BICC1: variants seen among roughly 807,000 people sequenced by gnomAD.
The protein encoded by BICC1 is protein bicaudal C homolog 1.
Under a neutral mutation model 111.0 loss-of-function variants are expected in BICC1, and 43 were observed. That is an observed-to-expected ratio of 0.39 (90% CI 0.30 to 0.50). BICC1 has a LOEUF of 0.50. Among genes scored for constraint, BICC1 ranks in the 20% least tolerant of loss-of-function variants. The pLI, the probability that BICC1 is intolerant of heterozygous loss-of-function variation, is 0.88. For synonymous variants in BICC1, 467 were observed against 434.4 expected, an observed-to-expected ratio of 1.07 and a Z score of -0.93; for missense variants, 1,091 against 1,203.2, an observed-to-expected ratio of 0.91 and a Z score of 1.38.
At chr10:58,568,777 CA>C (rs2088828430) in intron 1 of BICC1, among the ~76,000 whole-genome samples, 1 of 152,152 alleles carries the variant, frequency 6.6e-6, no homozygotes, top group Non-Finnish European at 1.5e-5. Context: ...TCCCTCAACT[CA>C]GTGGGTTATT....
intron 1 of BICC1, among the ~76,000 whole-genome samples, chr10:58,525,991 C>CT (rs34275789): frequency 0.46 from 69,541 of 151,412 alleles, 17,012 homozygotes; most frequent in Admixed American, 0.62. Flanking sequence ...GATTACATGG[C>CT]TTTTTTTTCT....
intron 3 of BICC1, among the ~76,000 whole-genome samples, chr10:58,752,613 A>G (rs552484908): frequency 6.6e-6 from 1 of 152,192 alleles, no homozygotes; most frequent in East Asian, 1.9e-4. Context: ...TTCTGATCCC[A>G]TCTCCTTAGT....
chr10:58,725,141 T>C (rs1736772957), intron 3 of BICC1, among the ~76,000 whole-genome samples: 1 of 152,238 alleles, frequency 6.6e-6, no homozygotes, highest in Non-Finnish European at 1.5e-5. Context: ...TCTGTGCATG[T>C]TATTATGTAT....
chr10:58,698,801 G>C (rs970390156), intron 2 of BICC1, among the ~76,000 whole-genome samples: 15 of 152,148 alleles, frequency 9.9e-5, no homozygotes, highest in African/African-American at 3.4e-4. Flanking sequence ...AAATAGATAC[G>C]ATAAAGGATT....
At chr10:58,619,514 C>T (rs1370610343) in intron 1 of BICC1, among the ~76,000 whole-genome samples, 1 of 143,798 alleles carries the variant, frequency 7.0e-6, no homozygotes, top group East Asian at 2.0e-4. Flanking sequence ...CTTACTCTGT[C>T]GCCAGGCTGG....
Position 58,796,336 on chromosome 10 carries a change from A to C in BICC1, c.1180-4A>C. 2 of 1,611,840 alleles carry C rather than the reference A, an allele frequency of 1.2e-6. No homozygotes were observed. The highest frequency in any genetic ancestry group is 8.5e-7 in the Non-Finnish European group (1 of 1,179,100). On this transcript the variant is annotated splice_polypyrimidine_tract_variant and splice_region_variant and intron_variant, in intron 9 of 20. Coordinates refer to ENST00000373886, the MANE Select transcript of BICC1 (RefSeq NM_001080512.3). The stretch of plus-strand genomic sequence containing the variant: ...CTTTTTTCCCCCATTATGTGTTTTC[A>C]TAGTCTGTGATTGTGAAAAGTGTTG...
At chr10:58,624,336 C>T (rs1380932841) in intron 2 of BICC1, among the ~76,000 whole-genome samples, 2 of 152,190 alleles carry the variant, frequency 1.3e-5, no homozygotes, top group East Asian at 3.9e-4. Context: ...AGTACTTCAA[C>T]ATACGACTTT....
At chr10:58,627,209 T>C (rs992218296) in intron 2 of BICC1, among the ~76,000 whole-genome samples, 2 of 152,238 alleles carry the variant, frequency 1.3e-5, no homozygotes, top group African/African-American at 2.4e-5. Flanking sequence ...TTAGTCATTA[T>C]TGATTAAAAT....
chr10:58,715,413 ATTT>A (rs1840708514), intron 3 of BICC1: 1 of 607,664 alleles, frequency 1.6e-6, no homozygotes, highest in African/African-American at 1.8e-5. Flanking sequence ...CTACACACAC[ATTT>A]CTACCATTGG....
intron 2 of BICC1, 33 bp from the exon 3 acceptor site, chr10:58,702,041 T>G: frequency 1.9e-6 from 3 of 1,546,270 alleles, no homozygotes; most frequent in Non-Finnish European, 2.7e-6. Flanking sequence ...AAGTTTTTAA[T>G]TGAGTCAATA....
At position 58,787,048 on chromosome 10, in the gene BICC1, C is replaced by A; in HGVS notation, c.513C>A (p.Ser171=). 1.3e-6 allele frequency: 2 copies of A among 1,592,382 alleles called. No homozygotes were observed. Among genetic ancestry groups the A allele is most frequent in the Non-Finnish European group, 1.7e-6 (2 of 1,171,432 alleles). Residue 171 remains serine (S), a synonymous_variant, in exon 5 of 21, where the codon TCC becomes TCA. Coordinates refer to ENST00000373886, the MANE Select transcript of BICC1 (RefSeq NM_001080512.3). ...GATGCCATATCCACTTTCCAGATTC[C>A]AACAGGAATAACCAAGCAGAAAAAA... ...ETGCHIHFPD[S]NRNNQAEKSN...
chr10:58,657,630 C>T (rs1441707230), intron 2 of BICC1, among the ~76,000 whole-genome samples: 4 of 152,104 alleles, frequency 2.6e-5, no homozygotes, highest in Admixed American at 2.6e-4. Flanking sequence ...TTTCAAGATT[C>T]AGGATTCAAA....
At chr10:58,690,296 AG>A (rs1436189433) in intron 2 of BICC1, among the ~76,000 whole-genome samples, 2 of 137,862 alleles carry the variant, frequency 1.5e-5, no homozygotes, top group East Asian at 3.9e-4. Context: ...GCTGTGAAAG[AG>A]ATACATTTTT....
In BICC1 at chr10:58,796,504, A is replaced by G. The variant is rs1843358693; in HGVS notation, c.1344A>G (p.Ala448=). 1.9e-6 allele frequency: 3 copies of G among 1,614,020 alleles called. No homozygotes were observed. The highest frequency in any genetic ancestry group is 2.5e-6 in the Non-Finnish European group (3 of 1,179,954). ...ACPSLDILAS[A]GLGLTGLGLL... is the part of the protein sequence containing the mutation. ...CCAGCCTGGATATCTTAGCTTCAGC[A>G]GGCCTTGGACTCACTGGACTAGGTA... is the stretch of plus-strand genomic sequence containing the variant. Residue 448 remains alanine, a synonymous_variant, in exon 10 of 21, where the codon GCA becomes GCG. Transcript: ENST00000373886.
chr10:58,688,017 G>A (rs1264824034), intron 2 of BICC1, among the ~76,000 whole-genome samples: 6 of 152,134 alleles, frequency 3.9e-5, no homozygotes, highest in South Asian at 2.1e-4. Flanking sequence ...TAAAGGTGGC[G>A]CATACGTAGT....
chr10:58,823,328 C>G (rs527294762), intron 20 of BICC1: 165 of 985,132 alleles, frequency 1.7e-4, no homozygotes, highest in Non-Finnish European at 1.9e-4. Context: ...CAAACCATCC[C>G]GTAGGCTTAC....
At chr10:58,772,813 CAA>C (rs1322093139) in intron 3 of BICC1, among the ~76,000 whole-genome samples, 1 of 151,696 alleles carries the variant, frequency 6.6e-6, no homozygotes, top group African/African-American at 2.4e-5. Context: ...GAGGTTTTCG[CAA>C]AAAAGATGTG....
chr10:58,807,682 G>A (rs1843751586), intron 17 of BICC1, among the ~76,000 whole-genome samples: 1 of 152,084 alleles, frequency 6.6e-6, no homozygotes, highest in Non-Finnish European at 1.5e-5. Context: ...CCCTGCTCAG[G>A]GTGAGACTGG....
chr10:58,773,061 T>G (rs1842661534), intron 3 of BICC1, among the ~76,000 whole-genome samples: 1 of 152,180 alleles, frequency 6.6e-6, no homozygotes, highest in East Asian at 1.9e-4. Context: ...TGCATTTGCA[T>G]AGCCTTTGGG....
Sources: allele counts gnomAD v4.1 joint callset (sites outside exome capture counted in the v4.1 genomes callset), GRCh38; gene constraint gnomAD v4.1.1; transcripts MANE v1.5; gene names NCBI Gene and HGNC (gene_info 2026-07-23, HGNC 2026-07-21).